XDH: variants seen among roughly 807,000 people sequenced by gnomAD.
XDH encodes the protein xanthine dehydrogenase/oxidase.
In XDH, 138 loss-of-function variants were observed where a neutral mutation model predicts 156.1. The ratio of observed to expected loss-of-function variants is 0.88; its 90% CI spans 0.77 to 1.02. The LOEUF (loss-of-function observed/expected upper bound fraction) is 1.02, where lower values mean the gene tolerates loss of function less well. XDH is among the 50% of genes least tolerant of loss of function. The pLI is 0.00. For missense variants in XDH, 1,849 were observed against 1,684.9 expected (o/e 1.10, Z -1.71); for synonymous variants, 669 against 625.7 (o/e 1.07, Z -1.03).
In XDH at chr2:31,344,666, G is replaced by A; in HGVS notation, c.3404+18C>T. The A allele has an allele frequency of 6.2e-7, 1 of 1,614,012 alleles. No individual in the cohort carries two copies. The highest frequency in any genetic ancestry group is 8.5e-7 in the Non-Finnish European group (1 of 1,179,986). On this transcript the variant is annotated intron_variant, in intron 31 of 35. Transcript: ENST00000379416. ...CGACATCACACTATGAGCTGGGCAA[G>A]GACAACACCATACTTACCTATAAAA... is the stretch of plus-strand genomic sequence containing the variant.
chr2:31,397,668 C>A lies in XDH; in HGVS notation c.495G>T (p.Arg165Ser). ...PILQGFRTFA[R>S]DGGCCGGDGN... is the part of the protein sequence containing the mutation. ...CTGATGTTCTGGGGTCCCCACTTACCCTGGCAAAGGTCCGGAAGCCCTGGA... is the reference window on the plus strand; with the variant it reads ...CTGATGTTCTGGGGTCCCCACTTACACTGGCAAAGGTCCGGAAGCCCTGGA... Residue 165 changes from arginine to serine, a missense_variant and splice_region_variant, in exon 6 of 36, where the codon AGG (arginine) becomes AGT (serine). Transcript: ENST00000379416. 6.2e-7 allele frequency: 1 copy of A among 1,614,166 alleles called. No homozygotes were observed. The highest frequency in any genetic ancestry group is 8.5e-7 in the Non-Finnish European group (1 of 1,180,016).
At chr2:31,414,603 C>A (rs1687429669) in intron 1 of XDH, 22 bp downstream of exon 1, 1 of 1,614,022 alleles carries the variant, frequency 6.2e-7, no homozygotes, top group East Asian at 2.2e-5. Flanking sequence ...GGACACAAAA[C>A]CAAAGGTCAG....
chr2:31,397,288 G>A (rs932251177), intron 6 of XDH, among the ~76,000 whole-genome samples: 1 of 152,180 alleles, frequency 6.6e-6, no homozygotes, highest in African/African-American at 2.4e-5. Flanking sequence ...TGCAAGTGCT[G>A]AGCAAGGCCA....
intron 8 of XDH, among the ~76,000 whole-genome samples, chr2:31,387,480 G>T (rs1686642163): frequency 6.6e-6 from 1 of 152,154 alleles, no homozygotes; most frequent in South Asian, 2.1e-4. Flanking sequence ...GATATAGGCA[G>T]GAGATCAACA....
chr2:31,394,968 A>G (rs776559794), intron 6 of XDH, among the ~76,000 whole-genome samples: 1 of 152,182 alleles, frequency 6.6e-6, no homozygotes, highest in East Asian at 1.9e-4. Context: ...ATCTCTTAGC[A>G]TACTAATCAT....
intron 1 of XDH, among the ~76,000 whole-genome samples, chr2:31,409,773 C>T (rs953401125): frequency 6.6e-6 from 1 of 152,148 alleles, no homozygotes; most frequent in Admixed American, 6.5e-5. Context: ...AACTGGAACA[C>T]CTGTCCACTG....
intron 5 of XDH, 114 bp from the exon 6 acceptor site, chr2:31,397,843 GT>G: frequency 8.3e-7 from 1 of 1,206,812 alleles, no homozygotes; most frequent in Non-Finnish European, 1.2e-6. Context: ...TGCATATTCT[GT>G]TACCTCTGTC....
intron 1 of XDH, among the ~76,000 whole-genome samples, chr2:31,411,930 T>C (rs182548083): frequency 1.3e-5 from 2 of 151,654 alleles, no homozygotes; most frequent in East Asian, 3.9e-4. Flanking sequence ...GTTGACTATA[T>C]GGGGAGTGAG....
At chr2:31,354,032 A>C (rs1424032883) in intron 24 of XDH, among the ~76,000 whole-genome samples, 1 of 152,186 alleles carries the variant, frequency 6.6e-6, no homozygotes, top group Non-Finnish European at 1.5e-5. Context: ...GTGTCAGAAA[A>C]AGTCTAGTGA....
chr2:31,337,833 G>A lies in XDH; in HGVS notation c.3775-16C>T, dbSNP rs371202074. 3.7e-6 allele frequency: 6 copies of A among 1,613,104 alleles called. No homozygotes were observed. The African/African-American group carries it at 8.0e-5, about 22-fold the overall frequency. ...CTCCAACAGCCTGAACACAGACAGG[G>A]CACAGGGCAGGGGCTCAGGCAGGTG... On this transcript the variant is annotated splice_polypyrimidine_tract_variant and intron_variant, in intron 34 of 35. Transcript: ENST00000379416.
chr2:31,398,610 G>A lies in XDH; in HGVS notation c.396C>T (p.Pro132=), dbSNP rs761129062. The change falls in exon 5 of 36, where the codon CCC becomes CCT. Residue 132 remains proline (P), a synonymous_variant. Transcript: ENST00000379416. ...MSMYTLLRNQ[P]EPTMEEIENA... is the part of the protein sequence containing the mutation. Reference sequence around the variant, plus strand: ...TCTCAATCTCCTCCATGGTGGGCTCGGGCTGATTCCGGAGCAGTGTGTACA... The same window carrying A: ...TCTCAATCTCCTCCATGGTGGGCTCAGGCTGATTCCGGAGCAGTGTGTACA... The A allele has an allele frequency of 1.4e-5, 23 of 1,614,014 alleles. No individual in the cohort carries two copies. The highest frequency in any genetic ancestry group is 2.2e-5 in the East Asian group (1 of 44,894).
At chr2:31,402,958 C>G in intron 3 of XDH, 90 bp downstream of exon 3, 1 of 1,389,272 alleles carries the variant, frequency 7.2e-7, no homozygotes, top group Non-Finnish European at 1.0e-6. Context: ...TGCGCACATG[C>G]ACATACACAC....
chr2:31,335,721 C>A lies in XDH; in HGVS notation c.*237G>T. 2 of 609,498 alleles carry A rather than the reference C, an allele frequency of 3.3e-6. No individual in the cohort carries two copies. The highest frequency in any genetic ancestry group is 5.9e-6 in the Non-Finnish European group (2 of 341,504). 37.8% of individuals were successfully genotyped at this position (609,498 alleles called of 1,614,324 possible). A position where few individuals can be genotyped will look rare whatever the true frequency, so the allele number is the denominator to read the frequency against. On this transcript the variant is annotated 3_prime_UTR_variant, in exon 36 of 36. Coordinates refer to ENST00000379416, the MANE Select transcript of XDH (RefSeq NM_000379.4). ...ATGATTAAAACAGACAGAAAATGAT[C>A]CTAATTGCATATTCACCATTTAGGC... is the stretch of plus-strand genomic sequence containing the variant.
chr2:31,347,012 G>A (rs1055286118), intron 29 of XDH, among the ~76,000 whole-genome samples, 169 bp from the exon 30 acceptor site: 9 of 152,160 alleles, frequency 5.9e-5, no homozygotes, highest in Non-Finnish European at 1.2e-4. Flanking sequence ...GGGTAGAATC[G>A]ACAGGACCTG....
intron 14 of XDH, among the ~76,000 whole-genome samples, chr2:31,376,349 G>A (rs1365463653): frequency 6.7e-6 from 1 of 149,898 alleles, no homozygotes; most frequent in African/African-American, 2.4e-5. Flanking sequence ...AAAAGTAGCA[G>A]TCATAGCACC....
chr2:31,338,406 G>C (rs1177185337), intron 34 of XDH, among the ~76,000 whole-genome samples: 1 of 152,140 alleles, frequency 6.6e-6, no homozygotes, highest in African/African-American at 2.4e-5. Flanking sequence ...ACACCTATTG[G>C]AGCAAAATTT....
intron 29 of XDH, 33 bp downstream of exon 29, chr2:31,347,489 C>T (rs1395179833): frequency 6.2e-7 from 1 of 1,612,676 alleles, no homozygotes; most frequent in Non-Finnish European, 8.5e-7. Context: ...CTGGGCTGGC[C>T]CTCTGCTCTG....
rs1199111774 is a variant in XDH at position 31,350,208 on chromosome 2, A to T, written c.2647T>A (p.Leu883Ile). The change falls in exon 25 of 36, where the codon TTA becomes ATA. Residue 883 changes from leucine (L) to isoleucine (I), a missense_variant. Physicochemically the swap from Leu to Ile is conservative, Grantham distance 5. Transcript: ENST00000379416. ...DLSQSIMERA[L>I]FHMDNCYKIP... ...TTATAGCAGTTGTCCATGTGGAATA[A>T]AGCTCGTTCCATAATCTGAAGCAGA... 1 of 1,614,122 alleles carries T rather than the reference A, an allele frequency of 6.2e-7. No individual in the cohort carries two copies. Among genetic ancestry groups the T allele is most frequent in the East Asian group, 2.2e-5 (1 of 44,868 alleles).
At chr2:31,343,314 ATATATATATAT>A (rs1685183230) in intron 31 of XDH, among the ~76,000 whole-genome samples, 1 of 129,786 alleles carries the variant, frequency 7.7e-6, no homozygotes. Context: ...ATATATATAT[ATATATATATAT>A]ATGCATGTTT....
Sources: allele counts gnomAD v4.1 joint callset (sites outside exome capture counted in the v4.1 genomes callset), GRCh38; gene constraint gnomAD v4.1.1; transcripts MANE v1.5; gene names NCBI Gene and HGNC (gene_info 2026-07-23, HGNC 2026-07-21).